AQR: variants seen among roughly 807,000 people sequenced by gnomAD.
AQR encodes the protein RNA helicase aquarius.
In AQR, 61 loss-of-function variants were observed where a neutral mutation model predicts 180.5. That is an observed-to-expected ratio of 0.34 (90% CI 0.28 to 0.42). The LOEUF is 0.42. AQR is among the 10% of genes least tolerant of loss of function. The probability of loss-of-function intolerance (pLI) is 1.00; values close to 1 mark genes in which losing one functional copy is unlikely to be tolerated. For missense variants in AQR, 1,281 were observed against 1,798.3 expected (o/e 0.71, Z 5.20); for synonymous variants, 551 against 588.8 (o/e 0.94, Z 0.93).
Position 34,904,369 on chromosome 15 carries a change from T to C in AQR, c.1968A>G (p.Ile656Met), listed in dbSNP as rs1893379513. The change falls in exon 19 of 35, where the codon ATA (isoleucine) becomes ATG (methionine). Residue 656 changes from isoleucine to methionine, a missense_variant. Coordinates refer to ENST00000156471, the MANE Select transcript of AQR (RefSeq NM_014691.3). ...AEDVYETFNI[I>M]MRRKPKENNF... ...TATTTTCCTTTGGTTTTCTCCTCAT[T>C]ATTATATTAAAAGTTTCATACACAT... is the stretch of plus-strand genomic sequence containing the variant. The C allele has an allele frequency of 1.9e-6, 3 of 1,603,770 alleles. No individual in the cohort carries two copies. Among genetic ancestry groups the C allele is most frequent in the Non-Finnish European group, 8.5e-7 (1 of 1,175,040 alleles).
chr15:34,887,707 C>A (rs904433101), intron 24 of AQR, among the ~76,000 whole-genome samples: 2 of 152,212 alleles, frequency 1.3e-5, no homozygotes, highest in African/African-American at 2.4e-5. Flanking sequence ...CACTGTTGTT[C>A]CCATGTTTAA....
intron 34 of AQR, 134 bp from the exon 35 acceptor site, chr15:34,857,240 G>A: frequency 1.3e-6 from 1 of 774,494 alleles, no homozygotes; most frequent in Non-Finnish European, 2.0e-6. Context: ...CACCTCTGAT[G>A]ACAATGGTCT....
At position 34,969,509 on chromosome 15, in the gene AQR, C is replaced by T. The variant is rs200803361; in HGVS notation, c.75+30G>A. The T allele has an allele frequency of 3.2e-5, 52 of 1,612,814 alleles. No individual in the cohort carries two copies. In the African/African-American group the frequency reaches 6.7e-4, roughly 21 times the overall value. On this transcript the variant is annotated intron_variant, in intron 1 of 34. Coordinates refer to ENST00000156471, the MANE Select transcript of AQR (RefSeq NM_014691.3). ...CTCGGGGCCACGACGTCCATACCCA[C>T]TCACACACACCAGACTCGCCCGAGC...
At chr15:34,955,055 G>A (rs894149532) in intron 3 of AQR, among the ~76,000 whole-genome samples, 4 of 152,118 alleles carry the variant, frequency 2.6e-5, no homozygotes, top group African/African-American at 9.7e-5. Flanking sequence ...CCCAGGAGGC[G>A]GAGGTTGCAG....
chr15:34,854,856 C>T lies in AQR; in HGVS notation c.*1936G>A, dbSNP rs969741505. ...TTGCAGGTATCATACCTCATATCCC[C>T]TAAGGGAGAGAGAAAAATCAATCTT... is the stretch of plus-strand genomic sequence containing the variant. On this transcript the variant is annotated 3_prime_UTR_variant, in exon 35 of 35. Coordinates refer to ENST00000156471, the MANE Select transcript of AQR (RefSeq NM_014691.3). 2 of 152,174 alleles carry T rather than the reference C, an allele frequency of 1.3e-5. No individual in the cohort carries two copies. The highest frequency in any genetic ancestry group is 4.8e-5 in the African/African-American group (2 of 41,436). The allele number at this position is 152,174 out of a possible 1,614,324, so 9.4% of individuals were successfully genotyped here.
chr15:34,906,551 C>T lies in AQR; in HGVS notation c.1825G>A (p.Glu609Lys), dbSNP rs1595793069. The T allele has an allele frequency of 6.2e-7, 1 of 1,613,878 alleles. No individual in the cohort carries two copies. Among genetic ancestry groups the T allele is most frequent in the Non-Finnish European group, 8.5e-7 (1 of 1,179,864 alleles). Residue 609 changes from glutamate to lysine, a missense_variant, in exon 18 of 35, where the codon GAA (glutamate) becomes AAA (lysine). Glu to Lys is a moderately conservative substitution (Grantham distance 56). Around this residue, in one of 9 missense-constraint regions of AQR, gnomAD observed 200 missense variants for 293.4 expected, o/e 0.68. Transcript: ENST00000156471. Reference protein sequence around the residue: ...GMLDDKGRVIEDGPEPRPNLR... With the variant: ...GMLDDKGRVIKDGPEPRPNLR... ...AAAATATAGGTCACCATACCATCTTCAATGACACGTCCTTTATCATCCAGC... is the reference window on the plus strand; with the variant it reads ...AAAATATAGGTCACCATACCATCTTTAATGACACGTCCTTTATCATCCAGC...
intron 1 of AQR, among the ~76,000 whole-genome samples, chr15:34,966,991 C>T (rs527534241): frequency 6.6e-6 from 1 of 150,962 alleles, no homozygotes; most frequent in South Asian, 2.1e-4. Context: ...ATTCTCCTGC[C>T]TCAGCCTCCT....
chr15:34,903,958 T>C (rs1040142371), intron 19 of AQR, among the ~76,000 whole-genome samples: 2 of 152,068 alleles, frequency 1.3e-5, no homozygotes, highest in African/African-American at 4.8e-5. Context: ...CCTGGAAGTA[T>C]ACCTACTTTT....
intron 5 of AQR, among the ~76,000 whole-genome samples, chr15:34,947,691 G>A (rs1894152023): frequency 6.6e-6 from 1 of 151,956 alleles, no homozygotes. Flanking sequence ...CCAGGCTGGA[G>A]TGTTGTGGTG....
intron 25 of AQR, among the ~76,000 whole-genome samples, 178 bp from the exon 26 acceptor site, chr15:34,884,912 T>G (rs370017684): frequency 2.0e-5 from 3 of 152,344 alleles, no homozygotes; most frequent in African/African-American, 4.8e-5. Context: ...TCTTCTGTTA[T>G]AAAAGTAACC....
chr15:34,946,378 G>A (rs555778349), intron 5 of AQR, among the ~76,000 whole-genome samples: 4 of 151,972 alleles, frequency 2.6e-5, no homozygotes, highest in East Asian at 1.9e-4. Context: ...TCCCTCTTGA[G>A]GTCGGGGGGG....
At chr15:34,941,861 A>C (rs1241568821) in intron 7 of AQR, 151 bp downstream of exon 7, 3 of 419,868 alleles carry the variant, frequency 7.1e-6, no homozygotes, top group Non-Finnish European at 1.2e-5. Flanking sequence ...TTAAAATAAA[A>C]ACTATATCTA....
intron 10 of AQR, 37 bp from the exon 11 acceptor site, chr15:34,932,471 C>T (rs779397054): frequency 3.8e-5 from 53 of 1,378,926 alleles, no homozygotes; most frequent in South Asian, 1.3e-5. Flanking sequence ...AAGTTTGCAT[C>T]TATTCTCCAC....
chr15:34,937,845 C>T (rs1268473753), intron 9 of AQR, among the ~76,000 whole-genome samples: 1 of 151,882 alleles, frequency 6.6e-6, no homozygotes, highest in Admixed American at 6.6e-5. Flanking sequence ...GATTGTGCCA[C>T]TGCACTCCAT....
At chr15:34,889,783 G>A (rs1893115497) in intron 24 of AQR, among the ~76,000 whole-genome samples, 2 of 152,002 alleles carry the variant, frequency 1.3e-5, no homozygotes, top group Admixed American at 1.3e-4. Flanking sequence ...CGATTCTCCT[G>A]CGTCAGCCTC....
Position 34,888,774 on chromosome 15 carries a change from T to C in AQR, c.2681+1441A>G, listed in dbSNP as rs1595787320. Among the ~76,000 whole-genome samples the C allele has an allele frequency of 2.0e-5, 3 of 152,218 alleles. No individual in the cohort carries two copies. The South Asian group carries it at 6.2e-4, about 32-fold the overall frequency. ...AGACTAGCAAAAAGTTGTTTTAGGA[T>C]AGTGTAATTATGGATAACCACTCCT... On this transcript the variant is annotated intron_variant, in intron 24 of 34. Transcript: ENST00000156471.
At chr15:34,943,293 A>T (rs985756901) in intron 6 of AQR, 2 of 1,561,920 alleles carry the variant, frequency 1.3e-6, no homozygotes, top group Non-Finnish European at 8.8e-7. Flanking sequence ...GCTTGAGTGC[A>T]TTGAGCCCAA....
chr15:34,878,704 A>G (rs1336394382), intron 27 of AQR, among the ~76,000 whole-genome samples: 1 of 152,136 alleles, frequency 6.6e-6, no homozygotes, highest in Non-Finnish European at 1.5e-5. Context: ...AAAACAGACA[A>G]GCAAATTAGA....
At chr15:34,920,208 CA>C (rs1893662858) in intron 14 of AQR, 123 bp downstream of exon 14, 1 of 629,344 alleles carries the variant, frequency 1.6e-6, no homozygotes, top group African/African-American at 1.9e-5. Flanking sequence ...ATTCCAAAAA[CA>C]AAATGGGAAT....
Sources: allele counts gnomAD v4.1 joint callset (sites outside exome capture counted in the v4.1 genomes callset), GRCh38; gene constraint gnomAD v4.1.1; regional missense constraint gnomAD v4.1.1; transcripts MANE v1.5; gene names NCBI Gene and HGNC (gene_info 2026-07-23, HGNC 2026-07-21).